USH1C: variants seen among roughly 807,000 people sequenced by gnomAD.
USH1C encodes the protein USH1 protein network component harmonin, also known as harmonin.
USH1C carries 90 observed loss-of-function variants against 119.3 expected under a neutral mutation model. The observed-to-expected ratio is 0.75, with a 90% confidence interval of 0.64 to 0.90. The LOEUF is 0.90. Among genes scored for constraint, USH1C ranks in the 40% least tolerant of loss-of-function variants. The pLI, the probability that USH1C is intolerant of heterozygous loss-of-function variation, is 0.00. For missense variants in USH1C, 1,165 were observed against 1,167.7 expected, an observed-to-expected ratio of 1.00 and a Z score of 0.03; for synonymous variants, 465 against 443.3, an observed-to-expected ratio of 1.05 and a Z score of -0.62.
intron 8 of USH1C, among the ~76,000 whole-genome samples, chr11:17,524,979 C>T (rs1850595386): frequency 6.6e-6 from 1 of 152,186 alleles, no homozygotes; most frequent in African/African-American, 2.4e-5. Flanking sequence ...CTAGCTGCGA[C>T]TACAGGTGTG....
At chr11:17,530,868 G>A (rs758185941) in intron 4 of USH1C, among the ~76,000 whole-genome samples, 20 of 152,336 alleles carry the variant, frequency 1.3e-4, no homozygotes, top group Non-Finnish European at 2.5e-4. Context: ...CCTCTCTTGG[G>A]GAGTAGGGGA....
intron 12 of USH1C, among the ~76,000 whole-genome samples, chr11:17,522,496 G>A (rs1408409996): frequency 1.3e-5 from 2 of 152,208 alleles, no homozygotes; most frequent in Non-Finnish European, 2.9e-5. Flanking sequence ...AATGTTAGCT[G>A]GTAGCTAATC....
chr11:17,510,293 G>T (rs1464124595), intron 17 of USH1C, 112 bp downstream of exon 17: 4 of 857,164 alleles, frequency 4.7e-6, no homozygotes, highest in Non-Finnish European at 7.8e-6. Context: ...CAGTGGATGG[G>T]CACTGTGAGG....
chr11:17,494,454 C>A (rs1317377742), intron 26 of USH1C, 78 bp from the exon 27 acceptor site: 1 of 1,497,876 alleles, frequency 6.7e-7, no homozygotes, highest in Non-Finnish European at 9.1e-7. Context: ...CAAGGCCCCA[C>A]AAGGGGGAGT....
At chr11:17,494,775 G>A (rs115167904) in intron 26 of USH1C, 2 of 316,954 alleles carry the variant, frequency 6.3e-6, no homozygotes, top group South Asian at 3.0e-5. Flanking sequence ...TCCAGGCTTG[G>A]GTCTGCCCCA....
intron 18 of USH1C, among the ~76,000 whole-genome samples, chr11:17,506,943 C>A (rs1048730569): frequency 3.3e-5 from 5 of 152,066 alleles, no homozygotes; most frequent in African/African-American, 1.2e-4. Flanking sequence ...AGTAGGTGCT[C>A]AATAAGCATG....
intron 4 of USH1C, among the ~76,000 whole-genome samples, chr11:17,530,280 A>G (rs1189591111): frequency 6.6e-6 from 1 of 152,174 alleles, no homozygotes; most frequent in Non-Finnish European, 1.5e-5. Context: ...TAGGAGTGAG[A>G]CCTGGAGGTC....
rs1353566739 is a variant in USH1C, at chr11:17,515,077, G to GTGTT, written c.1260+1163_1260+1164insAACA. Reference sequence around the variant, plus strand: ...TGTGTGTGTGTGCTTGTGTGTGTGTGTGTGTGTTTTGTCCTCTCTAGCTGA... The same window carrying GTGTT: ...TGTGTGTGTGTGCTTGTGTGTGTGTGTGTTTGTGTGTTTTGTCCTCTCTAGCTGA... On this transcript the variant is annotated intron_variant, in intron 15 of 26. Transcript: ENST00000005226. Among the ~76,000 whole-genome samples the GTGTT allele has an allele frequency of 3.3e-5, 5 of 151,980 alleles. No homozygotes were observed. The South Asian group carries it at 8.3e-4, about 25-fold the overall frequency.
In USH1C at chr11:17,511,933, T is replaced by C. The variant is rs780420127; in HGVS notation, c.1382A>G (p.Lys461Arg). 3 of 1,613,926 alleles carry C rather than the reference T, an allele frequency of 1.9e-6. No individual in the cohort carries two copies. The highest frequency in any genetic ancestry group is 3.3e-4 in the Middle Eastern group (2 of 6,084). ...GGCCAGCCGGTTGATCTTTAGCTGC[T>C]TTTCCTTCTCCAGCATTTCCTCTTT... is the stretch of plus-strand genomic sequence containing the variant. The part of the protein sequence containing the change: ...KEKEEMLEKE[K>R]QLKINRLAQE... Residue 461 changes from lysine to arginine, a missense_variant, in exon 16 of 27, where the codon AAG (lysine) becomes AGG (arginine). Coordinates refer to ENST00000005226, the MANE Select transcript of USH1C (RefSeq NM_153676.4).
chr11:17,512,754 C>A (rs915042320), intron 15 of USH1C, among the ~76,000 whole-genome samples: 46 of 152,196 alleles, frequency 3.0e-4, no homozygotes, highest in Admixed American at 6.5e-5. Flanking sequence ...CTGAATTGTG[C>A]CCCTCTACCG....
intron 25 of USH1C, among the ~76,000 whole-genome samples, 181 bp downstream of exon 25, chr11:17,496,577 C>G (rs916618607): frequency 6.6e-6 from 1 of 152,232 alleles, no homozygotes; most frequent in Non-Finnish European, 1.5e-5. Context: ...AGCTCAGACA[C>G]TGCTTAAGGA....
At chr11:17,501,268 G>A (rs1849433148) in intron 22 of USH1C, 118 bp from the exon 23 acceptor site, 5 of 1,045,874 alleles carry the variant, frequency 4.8e-6, no homozygotes, top group South Asian at 1.4e-5. Context: ...TGGGGTCACC[G>A]GCAGTGCCAT....
chr11:17,517,377 A>G, intron 14 of USH1C: 2 of 1,564,958 alleles, frequency 1.3e-6, no homozygotes, highest in East Asian at 2.4e-5. Context: ...CAGCCAGGCC[A>G]GGGAGCAAAG....
intron 25 of USH1C, 31 bp from the exon 26 acceptor site, chr11:17,495,708 A>G: frequency 6.2e-7 from 1 of 1,610,736 alleles, no homozygotes; most frequent in Non-Finnish European, 8.5e-7. Context: ...AAGAAACACA[A>G]AACAGGCTTG....
intron 21 of USH1C, among the ~76,000 whole-genome samples, 173 bp from the exon 22 acceptor site, chr11:17,501,708 C>T (rs1849454693): frequency 6.6e-6 from 1 of 152,124 alleles, no homozygotes; most frequent in Non-Finnish European, 1.5e-5. Flanking sequence ...GTCCCAGGCC[C>T]CATGGGGACA....
intron 26 of USH1C, 115 bp downstream of exon 26, chr11:17,495,454 C>T (rs1184653879): frequency 1.8e-5 from 20 of 1,088,640 alleles, no homozygotes; most frequent in African/African-American, 6.2e-5. Context: ...TCAGGGATGG[C>T]GCCTTGTGTA....
chr11:17,531,224 A>C lies in USH1C; in HGVS notation c.317T>G (p.Leu106Arg). ...GATGAAGAGCCCACAGCCAAACTCC[A>C]GGCCACCACGCACACTCAGGCCGAG... is the stretch of plus-strand genomic sequence containing the variant. Reference protein sequence around the residue: ...EGLGLSVRGGLEFGCGLFISH... With the variant: ...EGLGLSVRGGREFGCGLFISH... The change falls in exon 4 of 27, where the codon CTG becomes CGG. Residue 106 changes from leucine (L) to arginine (R), a missense_variant. By Grantham distance (102) the Leu-to-Arg change is moderately radical. Coordinates refer to ENST00000005226, the MANE Select transcript of USH1C (RefSeq NM_153676.4). This position sits in a 1 kb window ranked among gnomAD's most constrained non-coding sequence, Gnocchi z 4.2. 6.2e-7 allele frequency: 1 copy of C among 1,614,134 alleles called. No homozygotes were observed. The highest frequency in any genetic ancestry group is 8.5e-7 in the Non-Finnish European group (1 of 1,180,038).
At position 17,536,979 on chromosome 11, in the gene USH1C, C is replaced by G. The variant is rs184963558; in HGVS notation, c.37-3657G>C. Among the ~76,000 whole-genome samples the G allele has an allele frequency of 4.8e-3, 727 of 152,292 alleles. 7 individuals carry two copies. Among genetic ancestry groups the G allele is most frequent in the Admixed American group, 7.8e-3 (120 of 15,294 alleles). Reference sequence around the variant, plus strand: ...AGGGATCATTCTCACCCAGAAATATCTCAGAAAGACTCAGAAAGAACAGCA... The same window carrying G: ...AGGGATCATTCTCACCCAGAAATATGTCAGAAAGACTCAGAAAGAACAGCA... On this transcript the variant is annotated intron_variant, in intron 1 of 26. Coordinates refer to ENST00000005226, the MANE Select transcript of USH1C (RefSeq NM_153676.4).
chr11:17,498,265 A>G lies in USH1C; in HGVS notation c.2387T>C (p.Ile796Thr). 1.2e-6 allele frequency: 2 copies of G among 1,613,994 alleles called. No homozygotes were observed. The highest frequency in any genetic ancestry group is 1.7e-6 in the Non-Finnish European group (2 of 1,179,930). ...TGCCATGATCTCGTCCCCTTTCACA[A>G]TGCCACCTGCAGGCAGATGAGGCTG... ...ERGAAERHGG[I>T]VKGDEIMAIN... Residue 796 changes from isoleucine to threonine, a missense_variant, in exon 24 of 27, where the codon ATT becomes ACT. Coordinates refer to ENST00000005226, the MANE Select transcript of USH1C (RefSeq NM_153676.4).
Sources: gnomAD v4.1 joint callset for allele counts (sites outside exome capture counted in the v4.1 genomes callset) on GRCh38, gnomAD v4.1.1 for gene constraint, Gnocchi (gnomAD v3.1) non-coding constraint, MANE v1.5 for transcripts, NCBI Gene and HGNC (gene_info 2026-07-23, HGNC 2026-07-21) for gene names.